Variants in CWF19L2 observed in about 807,000 individuals in gnomAD.
CWF19L2 encodes the protein CWF19 like cell cycle control factor 2.
A neutral mutation model predicts 111.7 loss-of-function variants in CWF19L2; 98 were observed. That is an observed-to-expected ratio of 0.88 (90% CI 0.75 to 1.04). The LOEUF is 1.04. CWF19L2 is among the 50% of genes least tolerant of loss of function. The pLI, the probability that CWF19L2 is intolerant of heterozygous loss-of-function variation, is 0.00. For synonymous variants in CWF19L2, 351 were observed against 342.9 expected, an observed-to-expected ratio of 1.02 and a Z score of -0.26; for missense variants, 1,101 against 1,051.4, an observed-to-expected ratio of 1.05 and a Z score of -0.65.
At chr11:107,334,808 A>T in intron 16 of CWF19L2, 73 bp downstream of exon 16, 1 of 959,692 alleles carries the variant, frequency 1.0e-6, no homozygotes, top group Non-Finnish European at 1.7e-6. Flanking sequence ...TCCCTTTGTC[A>T]ACTAAGACAT....
At chr11:107,456,632 A>G (rs1166028761) in intron 1 of CWF19L2, among the ~76,000 whole-genome samples, 1 of 152,114 alleles carries the variant, frequency 6.6e-6, no homozygotes, top group Non-Finnish European at 1.5e-5. Context: ...GAACTGCTGA[A>G]GCAACAAGAA....
chr11:107,355,318 G>C (rs1860219726), intron 12 of CWF19L2, among the ~76,000 whole-genome samples: 1 of 151,786 alleles, frequency 6.6e-6, no homozygotes, highest in South Asian at 2.1e-4. Context: ...AGGAGGCTGA[G>C]ACAGGAGAAT....
intron 7 of CWF19L2, among the ~76,000 whole-genome samples, chr11:107,431,480 C>A (rs1406668337): frequency 6.6e-6 from 1 of 151,880 alleles, no homozygotes; most frequent in Non-Finnish European, 1.5e-5. Context: ...TACTAGTTGT[C>A]CTTAATTTAT....
At chr11:107,401,827 A>G (rs1280271493) in intron 10 of CWF19L2, among the ~76,000 whole-genome samples, 1 of 152,222 alleles carries the variant, frequency 6.6e-6, no homozygotes, top group Non-Finnish European at 1.5e-5. Flanking sequence ...CCTGATTTCA[A>G]ACTATACTAT....
chr11:107,361,027 G>C (rs1038761198), intron 12 of CWF19L2, among the ~76,000 whole-genome samples: 2 of 152,106 alleles, frequency 1.3e-5, no homozygotes, highest in Non-Finnish European at 2.9e-5. Flanking sequence ...TCTTCGCCTA[G>C]ATCAATGTCC....
intron 3 of CWF19L2, among the ~76,000 whole-genome samples, chr11:107,445,969 G>A (rs1861696868): frequency 6.6e-6 from 1 of 152,152 alleles, no homozygotes; most frequent in Non-Finnish European, 1.5e-5. Flanking sequence ...AGAAAAAAAA[G>A]AGCATCTTCT....
chr11:107,439,215 CAAAAAATTAACAAATTAT>C (rs780704930), intron 5 of CWF19L2, 32 bp from the exon 6 acceptor site: 21 of 1,316,836 alleles, frequency 1.6e-5, no homozygotes, highest in Non-Finnish European at 2.3e-5. Flanking sequence ...GGTGAAATTT[CAAAAAATTAACAAATTAT>C]AAAAAATTAA....
intron 14 of CWF19L2, 42 bp from the exon 15 acceptor site, chr11:107,336,755 A>C (rs1859931538): frequency 1.8e-6 from 2 of 1,096,562 alleles, no homozygotes; most frequent in East Asian, 5.5e-5. Flanking sequence ...CACTTAAAGG[A>C]GATTCAAAAT....
chr11:107,383,086 C>G (rs1860715348), intron 12 of CWF19L2, among the ~76,000 whole-genome samples: 1 of 152,224 alleles, frequency 6.6e-6, no homozygotes, highest in African/African-American at 2.4e-5. Context: ...TTTATGATAA[C>G]CTTTATAATA....
chr11:107,343,377 T>C (rs1368092024), intron 14 of CWF19L2, among the ~76,000 whole-genome samples: 1 of 152,140 alleles, frequency 6.6e-6, no homozygotes, highest in Non-Finnish European at 1.5e-5. Flanking sequence ...CCTCTCTTCT[T>C]CGGTAATTTC....
chr11:107,408,205 C>G (rs1381015987), intron 10 of CWF19L2, among the ~76,000 whole-genome samples: 1 of 151,862 alleles, frequency 6.6e-6, no homozygotes, highest in African/African-American at 2.4e-5. Flanking sequence ...TATAATTAAT[C>G]TTATTTGTAT....
chr11:107,349,122 C>A, intron 13 of CWF19L2, 69 bp from the exon 14 acceptor site: 1 of 693,116 alleles, frequency 1.4e-6, no homozygotes, highest in Non-Finnish European at 2.3e-6. Flanking sequence ...TATGTTAATG[C>A]TATTTATTCT....
chr11:107,336,479 T>A (rs1477869615), intron 15 of CWF19L2, 79 bp downstream of exon 15: 1 of 1,167,698 alleles, frequency 8.6e-7, no homozygotes, highest in South Asian at 1.4e-5. Context: ...GAGAAAAATA[T>A]GTTAATAAAG....
chr11:107,445,492 T>TGGTG (rs2135424837), intron 3 of CWF19L2, among the ~76,000 whole-genome samples: 1 of 152,062 alleles, frequency 6.6e-6, no homozygotes, highest in South Asian at 2.1e-4. Flanking sequence ...TACTCCCACC[T>TGGTG]ACTTGAGAGG....
chr11:107,451,878 T>C (rs1382680069), intron 3 of CWF19L2, among the ~76,000 whole-genome samples: 1 of 152,196 alleles, frequency 6.6e-6, no homozygotes, highest in African/African-American at 2.4e-5. Flanking sequence ...CCAAATTCAA[T>C]ACTCATTCAA....
At chr11:107,431,804 T>C (rs988265435) in intron 7 of CWF19L2, among the ~76,000 whole-genome samples, 3 of 152,056 alleles carry the variant, frequency 2.0e-5, no homozygotes, top group African/African-American at 7.2e-5. Context: ...AACAGACCCA[T>C]GTATATGAGA....
chr11:107,413,492 G>A (rs1426301972), intron 10 of CWF19L2, among the ~76,000 whole-genome samples: 1 of 152,190 alleles, frequency 6.6e-6, no homozygotes, highest in African/African-American at 2.4e-5. Context: ...TACTGTGGAA[G>A]GCTATGCTGC....
chr11:107,413,180 T>C (rs1861181629), intron 10 of CWF19L2, among the ~76,000 whole-genome samples: 1 of 152,140 alleles, frequency 6.6e-6, no homozygotes, highest in Non-Finnish European at 1.5e-5. Context: ...TGTACTCCTC[T>C]GGTAGGGGCT....
chr11:107,421,919 T>G (rs574357858), intron 8 of CWF19L2, among the ~76,000 whole-genome samples: 1 of 152,108 alleles, frequency 6.6e-6, no homozygotes, highest in Non-Finnish European at 1.5e-5. Flanking sequence ...ATGTTCAGAA[T>G]TGTACATAAT....
Sources: allele counts gnomAD v4.1 joint callset (sites outside exome capture counted in the v4.1 genomes callset), GRCh38; gene constraint gnomAD v4.1.1; transcripts MANE v1.5; gene names NCBI Gene and HGNC (gene_info 2026-07-23, HGNC 2026-07-21).